GNAI3: variants seen among roughly 807,000 people sequenced by gnomAD.
GNAI3 encodes G protein subunit alpha i3, also known as guanine nucleotide-binding protein G(i) subunit alpha-3.
GNAI3 carries 12 observed loss-of-function variants against 41.8 expected under a neutral mutation model. The observed-to-expected ratio is 0.29, with a 90% CI of 0.18 to 0.47. The LOEUF (loss-of-function observed/expected upper bound fraction) is 0.47. GNAI3 is among the 20% of genes least tolerant of loss of function. The probability of loss-of-function intolerance (pLI) is 1.00; values close to 1 mark genes in which losing one functional copy is unlikely to be tolerated. For synonymous variants in GNAI3, 132 were observed against 146.5 expected (o/e 0.90, Z 0.71); for missense variants, 360 against 429.6 (o/e 0.84, Z 1.43).
chr1:109,557,967 T>C (rs1648204241), intron 1 of GNAI3, among the ~76,000 whole-genome samples: 1 of 152,194 alleles, frequency 6.6e-6, no homozygotes, highest in Admixed American at 6.5e-5. Flanking sequence ...GCCTGACACC[T>C]AGTAGGCACT....
rs1649287996 is a variant in GNAI3, at chr1:109,595,831, A to C, written c.*3509A>C. 8.7e-6 allele frequency: 1 copy of C among 114,412 alleles called. No individual in the cohort carries two copies. The highest frequency in any genetic ancestry group is 1.7e-5 in the Non-Finnish European group (1 of 60,354). 7.1% of individuals were successfully genotyped at this position (114,412 alleles called of 1,614,324 possible). On this transcript the variant is annotated 3_prime_UTR_variant, in exon 9 of 9. Transcript: ENST00000369851. The stretch of plus-strand genomic sequence containing the variant: ...GATTATTTTCCCTTTTTACATGTTC[A>C]AAAAAAAAAAAATAAGCAACCCTCT...
rs963129947 is a variant in GNAI3 at position 109,549,034 on chromosome 1, G to A, written c.118+196G>A. Reference sequence around the variant, plus strand: ...GAGGGGGGTGGGGTTTTGGGGTTGCGGGAATTAGGCTGTAGAGGGTGTGAC... The same window carrying A: ...GAGGGGGGTGGGGTTTTGGGGTTGCAGGAATTAGGCTGTAGAGGGTGTGAC... On this transcript the variant is annotated intron_variant, in intron 1 of 8. Transcript: ENST00000369851. Among the ~76,000 whole-genome samples the A allele has an allele frequency of 2.0e-5, 3 of 152,278 alleles. No homozygotes were observed. The Middle Eastern group carries it at 0.01, about 518-fold the overall frequency.
At chr1:109,561,504 A>G (rs1190468410) in intron 1 of GNAI3, among the ~76,000 whole-genome samples, 1 of 152,222 alleles carries the variant, frequency 6.6e-6, no homozygotes, top group Non-Finnish European at 1.5e-5. Context: ...GATCCAATCC[A>G]GGATACACCA....
chr1:109,577,332 A>G (rs1234498138), intron 3 of GNAI3, among the ~76,000 whole-genome samples: 1 of 145,600 alleles, frequency 6.9e-6, no homozygotes, highest in African/African-American at 2.6e-5. Flanking sequence ...GCTAGAGTGC[A>G]ATGGCACCAT....
intron 1 of GNAI3, among the ~76,000 whole-genome samples, chr1:109,549,777 A>G (rs1038041971): frequency 6.6e-6 from 1 of 152,208 alleles, no homozygotes; most frequent in African/African-American, 2.4e-5. Context: ...AAGCAAAACC[A>G]TTGACTTCAG....
chr1:109,587,012 C>A, intron 7 of GNAI3, 130 bp downstream of exon 7: 1 of 636,160 alleles, frequency 1.6e-6, no homozygotes, highest in Non-Finnish European at 2.8e-6. Context: ...GTGGCATTGG[C>A]ATTAAGCCTG....
In GNAI3 at chr1:109,586,865, G is replaced by C. The variant is rs538155138; in HGVS notation, c.857G>C (p.Cys286Ser). Residue 286 changes from cysteine (C) to serine (S), a missense_variant, in exon 7 of 9, where the codon TGT becomes TCT. Transcript: ENST00000369851. ...EKIKRSPLTI[C>S]YPEYTGSNTY... The stretch of plus-strand genomic sequence containing the variant: ...ATAAAGAGGAGTCCGTTAACTATCT[G>C]TTATCCAGAATACACAGGTAAGGGG... 6.2e-7 allele frequency: 1 copy of C among 1,600,522 alleles called. No individual in the cohort carries two copies. The highest frequency in any genetic ancestry group is 2.2e-5 in the East Asian group (1 of 44,730).
chr1:109,551,677 A>G (rs1477878266), intron 1 of GNAI3, among the ~76,000 whole-genome samples: 1 of 152,248 alleles, frequency 6.6e-6, no homozygotes, highest in Admixed American at 6.5e-5. Flanking sequence ...TGTAAAGCAG[A>G]ACACAGCTTG....
chr1:109,582,240 C>G (rs971576248), intron 4 of GNAI3, among the ~76,000 whole-genome samples, 197 bp from the exon 5 acceptor site: 7 of 152,182 alleles, frequency 4.6e-5, no homozygotes, highest in African/African-American at 1.7e-4. Context: ...ACCTTCCTGC[C>G]TTGGCCTCCC....
intron 1 of GNAI3, among the ~76,000 whole-genome samples, chr1:109,564,926 G>T (rs1431487615): frequency 6.6e-6 from 1 of 152,124 alleles, no homozygotes; most frequent in East Asian, 1.9e-4. Flanking sequence ...AAAACCATTA[G>T]CTCTCTTCCA....
chr1:109,558,882 A>C (rs974851980), intron 1 of GNAI3, among the ~76,000 whole-genome samples: 1 of 152,072 alleles, frequency 6.6e-6, no homozygotes, highest in African/African-American at 2.4e-5. Flanking sequence ...GCAGGTCTTC[A>C]TAATAAGGAA....
intron 3 of GNAI3, among the ~76,000 whole-genome samples, chr1:109,575,130 A>T (rs1257905598): frequency 6.6e-6 from 1 of 152,230 alleles, no homozygotes; most frequent in Admixed American, 6.5e-5. Flanking sequence ...TTTTTGTGAA[A>T]TATATCACAG....
intron 1 of GNAI3, among the ~76,000 whole-genome samples, chr1:109,565,481 G>A (rs1457630292): frequency 6.6e-6 from 1 of 152,092 alleles, no homozygotes; most frequent in Non-Finnish European, 1.5e-5. Flanking sequence ...CCAAGAGTGG[G>A]TGTGAGGCTG....
intron 1 of GNAI3, among the ~76,000 whole-genome samples, chr1:109,554,409 G>A (rs1168816444): frequency 6.6e-6 from 1 of 151,800 alleles, no homozygotes; most frequent in East Asian, 1.9e-4. Flanking sequence ...TTTTATTATG[G>A]CCATTATTGC....
intron 1 of GNAI3, among the ~76,000 whole-genome samples, chr1:109,573,434 G>A (rs188585162): frequency 6.6e-6 from 1 of 152,288 alleles, no homozygotes; most frequent in Admixed American, 6.5e-5. Context: ...GTTTTATGTA[G>A]TGAATGAGTT....
chr1:109,575,129 A>AT (rs1648701882), intron 3 of GNAI3, among the ~76,000 whole-genome samples: 1 of 152,224 alleles, frequency 6.6e-6, no homozygotes, highest in Admixed American at 6.5e-5. Context: ...ATTTTTGTGA[A>AT]ATATATCACA....
intron 5 of GNAI3, among the ~76,000 whole-genome samples, chr1:109,584,714 G>A (rs765829434): frequency 3.9e-5 from 6 of 152,174 alleles, no homozygotes; most frequent in African/African-American, 7.2e-5. Flanking sequence ...AGTTAATGAG[G>A]TAATGTTTAT....
intron 3 of GNAI3, among the ~76,000 whole-genome samples, chr1:109,576,466 G>C (rs1648745569): frequency 6.6e-6 from 1 of 151,756 alleles, no homozygotes; most frequent in African/African-American, 2.4e-5. Context: ...CTTAAGTGTG[G>C]AGGTGTGAAG....
rs1319840392 is a variant in GNAI3, at chr1:109,599,417, C to G, written c.*7095C>G. On this transcript the variant is annotated 3_prime_UTR_variant, in exon 9 of 9. Coordinates refer to ENST00000369851, the MANE Select transcript of GNAI3 (RefSeq NM_006496.4). ...TCCCCATGCCCCACCTTCTTTCAGC[C>G]CCTGGTAACCAGCATTTTCCTTTGT... The G allele has an allele frequency of 6.6e-6, 1 of 152,366 alleles. No individual in the cohort carries two copies. The highest frequency in any genetic ancestry group is 6.5e-5 in the Admixed American group (1 of 15,302). 9.4% of individuals were successfully genotyped at this position (152,366 alleles called of 1,614,324 possible).
Sources: allele counts gnomAD v4.1 joint callset (sites outside exome capture counted in the v4.1 genomes callset), GRCh38; gene constraint gnomAD v4.1.1; transcripts MANE v1.5; gene names NCBI Gene and HGNC (gene_info 2026-07-23, HGNC 2026-07-21).